RABGGTA: variants seen among roughly 807,000 people sequenced by gnomAD.
The protein encoded by RABGGTA is Rab geranylgeranyltransferase subunit alpha, also known as geranylgeranyl transferase type-2 subunit alpha.
In RABGGTA, 69 loss-of-function variants were observed where a neutral mutation model predicts 83.3. That is an observed-to-expected ratio of 0.83 (90% confidence interval 0.68 to 1.01). The LOEUF is 1.01. Among genes scored for constraint, RABGGTA ranks in the 50% least tolerant of loss-of-function variants. The pLI is 0.00. For synonymous variants in RABGGTA, 310 were observed against 299.8 expected, an observed-to-expected ratio of 1.03 and a Z score of -0.35; for missense variants, 681 against 712.7, an observed-to-expected ratio of 0.96 and a Z score of 0.51.
At position 24,269,623 on chromosome 14, in the gene RABGGTA, T is replaced by C. The variant is rs902518955; in HGVS notation, c.499A>G (p.Thr167Ala). Residue 167 changes from threonine (T) to alanine (A), a missense_variant, in exon 6 of 17, where the codon ACT (threonine) becomes GCT (alanine). This residue lies in a region of RABGGTA where 122 missense variants were observed against 118.9 expected (regional missense o/e 1.03). Coordinates refer to ENST00000216840, the MANE Select transcript of RABGGTA (RefSeq NM_182836.3). ...AVPPAEELAF[T>A]DSLITRNFSN... The stretch of plus-strand genomic sequence containing the variant: ...AAGTTTCGGGTGATGAGGCTGTCAG[T>C]GAAGGCTAGCTCTTCTGCAGGGGGC... 1.2e-6 allele frequency: 2 copies of C among 1,613,834 alleles called. No individual in the cohort carries two copies. The highest frequency in any genetic ancestry group is 1.3e-5 in the African/African-American group (1 of 74,890).
intron 14 of RABGGTA, 57 bp downstream of exon 14, chr14:24,267,603 G>A: frequency 7.0e-7 from 1 of 1,421,336 alleles, no homozygotes; most frequent in South Asian, 1.3e-5. Context: ...CAAAGTCAGG[G>A]ACGTGGGGAG....
intron 6 of RABGGTA, 105 bp from the exon 7 acceptor site, chr14:24,269,268 A>G (rs2040914155): frequency 4.3e-6 from 5 of 1,169,864 alleles, no homozygotes; most frequent in Non-Finnish European, 6.1e-6. Flanking sequence ...CCCCAGTCTC[A>G]CTTATATGCT....
At position 24,269,945 on chromosome 14, in the gene RABGGTA, C is replaced by T. The variant is rs1165615886; in HGVS notation, c.427+8G>A. The T allele has an allele frequency of 1.2e-6, 2 of 1,612,346 alleles. No homozygotes were observed. Among genetic ancestry groups the T allele is most frequent in the Non-Finnish European group, 1.7e-6 (2 of 1,179,550 alleles). On this transcript the variant is annotated splice_region_variant and intron_variant, in intron 5 of 16. Coordinates refer to ENST00000216840, the MANE Select transcript of RABGGTA (RefSeq NM_182836.3). ...AGGGCTGTGGGGACAGAATCTGCAG[C>T]CACGTACAGTTCCGCTCATCCACCT...
Position 24,268,550 on chromosome 14 carries a change from C to G in RABGGTA, c.970G>C (p.Ala324Pro). ...PQHTFRVIWT[A>P]GDVQKECVLL... ...ACGCATTCTTTCTGGACATCGCCTG[C>G]TGTCCAAATGACGCGAAATGTATGT... The change falls in exon 10 of 17, where the codon GCA (alanine) becomes CCA (proline). Residue 324 changes from alanine (A) to proline (P), a missense_variant. Physicochemically the swap from Ala to Pro is conservative, Grantham distance 27. Around this residue, in one of 5 missense-constraint regions of RABGGTA, gnomAD observed 421 missense variants for 418.5 expected, o/e 1.01. Coordinates refer to ENST00000216840, the MANE Select transcript of RABGGTA (RefSeq NM_182836.3). The G allele has an allele frequency of 6.2e-7, 1 of 1,614,046 alleles. No individual in the cohort carries two copies. The highest frequency in any genetic ancestry group is 8.5e-7 in the Non-Finnish European group (1 of 1,179,886).
At chr14:24,265,865 T>C in intron 16 of RABGGTA, 102 bp from the exon 17 acceptor site, 1 of 1,454,278 alleles carries the variant, frequency 6.9e-7, no homozygotes, top group African/African-American at 1.4e-5. Context: ...GTCTGTTTGA[T>C]GGGCATCTCA....
In RABGGTA at chr14:24,269,169, G is replaced by A. The variant is rs1333555303; in HGVS notation, c.632-6C>T. On this transcript the variant is annotated splice_region_variant and splice_polypyrimidine_tract_variant and intron_variant, in intron 6 of 16. Coordinates refer to ENST00000216840, the MANE Select transcript of RABGGTA (RefSeq NM_182836.3). ...ATTCTGCACCAGCTCCAGCTCTGTGGGGTTCCAGGAGGCATGGGGCTGTGG... is the reference window on the plus strand; with the variant it reads ...ATTCTGCACCAGCTCCAGCTCTGTGAGGTTCCAGGAGGCATGGGGCTGTGG... The A allele has an allele frequency of 6.2e-7, 1 of 1,608,208 alleles. No individual in the cohort carries two copies. Among genetic ancestry groups the A allele is most frequent in the Non-Finnish European group, 8.5e-7 (1 of 1,177,088 alleles).
At position 24,267,649 on chromosome 14, in the gene RABGGTA, G is replaced by A. The variant is rs370612885; in HGVS notation, c.1353+11C>T. 9.9e-5 allele frequency: 159 copies of A among 1,603,288 alleles called. No individual in the cohort carries two copies. Among genetic ancestry groups the A allele is most frequent in the Non-Finnish European group, 1.3e-4 (147 of 1,174,778 alleles). On this transcript the variant is annotated intron_variant, in intron 14 of 16. Transcript: ENST00000216840. ...TGAGGGCCAGGGGAAGGCATGCATGGCAGCCCATACCTTGTGAGCCAGGTG... is the reference window on the plus strand; with the variant it reads ...TGAGGGCCAGGGGAAGGCATGCATGACAGCCCATACCTTGTGAGCCAGGTG...
At chr14:24,269,843 G>A in intron 5 of RABGGTA, 110 bp downstream of exon 5, 1 of 1,454,378 alleles carries the variant, frequency 6.9e-7, no homozygotes, top group Non-Finnish European at 9.3e-7. Context: ...TTCAGCACCA[G>A]CTCAGTGGAC....
intron 5 of RABGGTA, 108 bp from the exon 6 acceptor site, chr14:24,269,802 C>A: frequency 7.0e-7 from 1 of 1,433,378 alleles, no homozygotes; most frequent in Non-Finnish European, 9.5e-7. Flanking sequence ...CAGTGCACTC[C>A]ACGGAGGATG....
In RABGGTA at chr14:24,271,040, GC is replaced by G. The variant is rs2040942780; in HGVS notation, c.3+72del. 10 of 1,586,228 alleles carry G rather than the reference GC, an allele frequency of 6.3e-6. No homozygotes were observed. The South Asian group carries it at 1.0e-4, about 16-fold the overall frequency. ...CTGTGGAGCCCTAGGTTCATACGGG[GC>G]AACCATGGCACTGCCACTGGGGGTG... is the stretch of plus-strand genomic sequence containing the variant. On this transcript the variant is annotated intron_variant, in intron 2 of 16. Transcript: ENST00000216840.
At chr14:24,268,010 C>T in intron 12 of RABGGTA, 52 bp from the exon 13 acceptor site, 1 of 1,602,552 alleles carries the variant, frequency 6.2e-7, no homozygotes. Context: ...TCCTCTGCTC[C>T]CATCCTCCTG....
rs1219046709 is a variant in RABGGTA at position 24,269,187 on chromosome 14, G to C, written c.632-24C>G. 7 of 1,596,268 alleles carry C rather than the reference G, an allele frequency of 4.4e-6. No individual in the cohort carries two copies. In the South Asian group the frequency reaches 7.9e-5, roughly 18 times the overall value. ...CTCTGTGGGGTTCCAGGAGGCATGG[G>C]GCTGTGGTCAGGACACTGGTGAGCT... On this transcript the variant is annotated intron_variant, in intron 6 of 16. Transcript: ENST00000216840.
At position 24,268,376 on chromosome 14, in the gene RABGGTA, G is replaced by C; in HGVS notation, c.1051C>G (p.Leu351Val). The C allele has an allele frequency of 6.2e-7, 1 of 1,613,226 alleles. No homozygotes were observed. The highest frequency in any genetic ancestry group is 1.1e-5 in the South Asian group (1 of 91,052). Residue 351 changes from leucine (L) to valine (V), a missense_variant, in exon 11 of 17, where the codon CTA (leucine) becomes GTA (valine). By Grantham distance (32) the Leu-to-Val change is conservative (BLOSUM62 1). Around this residue, in one of 5 missense-constraint regions of RABGGTA, gnomAD observed 421 missense variants for 418.5 expected, o/e 1.01. Transcript: ENST00000216840. ...GTGCTTCCCTATCACCACCTGAATA[G>C]CTGCTCGTCTGTCGTGGAGTCCCGG... ...WCRDSTTDEQ[L>V]FRCELSVEKS...
chr14:24,266,491 T>C lies in RABGGTA; in HGVS notation c.1494A>G (p.Ile498Met). ...GGTTGGTGACGCCGTCCAGGGACTC[T>C]ATGGCATTATCACTGGCCTGCAGCA... ...LEVLQASDNAIESLDGVTNLP... is the reference protein window; with the variant it reads ...LEVLQASDNAMESLDGVTNLP... Residue 498 changes from isoleucine to methionine, a missense_variant, in exon 16 of 17, where the codon ATA (isoleucine) becomes ATG (methionine). Physicochemically the swap from Ile to Met is conservative, Grantham distance 10 (BLOSUM62 1). This residue lies in a region of RABGGTA where 421 missense variants were observed against 418.5 expected (regional missense o/e 1.01). Transcript: ENST00000216840. The C allele has an allele frequency of 1.2e-6, 2 of 1,613,954 alleles. No homozygotes were observed. Among genetic ancestry groups the C allele is most frequent in the Non-Finnish European group, 1.7e-6 (2 of 1,179,880 alleles).
At chr14:24,269,026 C>A in intron 7 of RABGGTA, 33 bp from the exon 8 acceptor site, 1 of 1,576,760 alleles carries the variant, frequency 6.3e-7, no homozygotes, top group Admixed American at 1.8e-5. Flanking sequence ...TTCTTTAAAC[C>A]CTCTCCCATT....
rs375899303 is a variant in RABGGTA, at chr14:24,270,822, C to G, written c.114+15G>C. On this transcript the variant is annotated intron_variant, in intron 3 of 16. Transcript: ENST00000216840. ...GGGAGCTACTTGGGGTCGGGGCTACCTCTGAGGGCCCCACCTTCTGGAATA... is the reference window on the plus strand; with the variant it reads ...GGGAGCTACTTGGGGTCGGGGCTACGTCTGAGGGCCCCACCTTCTGGAATA... 2.5e-4 allele frequency: 403 copies of G among 1,612,050 alleles called. No individual in the cohort carries two copies. The highest frequency in any genetic ancestry group is 3.2e-4 in the Non-Finnish European group (380 of 1,179,060).
intron 1 of RABGGTA, 111 bp from the exon 2 acceptor site, chr14:24,271,280 C>G: frequency 1.1e-6 from 1 of 881,000 alleles, no homozygotes; most frequent in South Asian, 2.3e-5. Flanking sequence ...GTAAAGAGGT[C>G]CTGGGACAGG....
rs756359437 is a variant in RABGGTA, at chr14:24,269,626, A to G, written c.496T>C (p.Phe166Leu). The G allele has an allele frequency of 3.9e-5, 63 of 1,613,892 alleles. No homozygotes were observed. The highest frequency in any genetic ancestry group is 5.1e-5 in the Non-Finnish European group (60 of 1,179,870). Residue 166 changes from phenylalanine to leucine, a missense_variant, in exon 6 of 17, where the codon TTC (phenylalanine) becomes CTC (leucine). Physicochemically the swap from Phe to Leu is conservative, Grantham distance 22. This residue lies in a region of RABGGTA where 122 missense variants were observed against 118.9 expected (regional missense o/e 1.03). Coordinates refer to ENST00000216840, the MANE Select transcript of RABGGTA (RefSeq NM_182836.3). ...TTTCGGGTGATGAGGCTGTCAGTGA[A>G]GGCTAGCTCTTCTGCAGGGGGCACG... ...AAVPPAEELA[F>L]TDSLITRNFS...
rs2139036330 is a variant in RABGGTA, at chr14:24,266,535, A to G, written c.1468-18T>C. On this transcript the variant is annotated intron_variant, in intron 15 of 16. Coordinates refer to ENST00000216840, the MANE Select transcript of RABGGTA (RefSeq NM_182836.3). The stretch of plus-strand genomic sequence containing the variant: ...TGCAGCACCTGGGGGCAGGGAGGGC[A>G]GGGAGGCAGGACAGGCGCTGTCAGC... The G allele has an allele frequency of 6.2e-7, 1 of 1,611,422 alleles. No homozygotes were observed. The highest frequency in any genetic ancestry group is 2.2e-5 in the East Asian group (1 of 44,870).
Sources: gnomAD v4.1 joint callset for allele counts on GRCh38, gnomAD v4.1.1 for gene constraint, gnomAD v4.1.1 regional missense constraint, MANE v1.5 for transcripts, NCBI Gene and HGNC (gene_info 2026-07-23, HGNC 2026-07-21) for gene names.